The following AKIRIN2 variants were observed in gnomAD, a reference collection of about 807,000 sequenced individuals.
AKIRIN2 encodes the protein akirin 2, also known as akirin-2.
In AKIRIN2, 6 loss-of-function variants were observed where a neutral mutation model predicts 29.3. The ratio of observed to expected loss-of-function variants is 0.20; its 90% CI spans 0.11 to 0.40. The LOEUF (loss-of-function observed/expected upper bound fraction) is 0.40, where lower values mean the gene tolerates loss of function less well. Ranked by LOEUF, AKIRIN2 falls within the 10% of genes least tolerant of loss-of-function variation. AKIRIN2 has a pLI of 1.00. For missense variants in AKIRIN2, 210 were observed against 276.1 expected (o/e 0.76, Z 1.70); for synonymous variants, 128 against 117.5 (o/e 1.09, Z -0.58).
intron 1 of AKIRIN2, among the ~76,000 whole-genome samples, chr6:87,696,424 G>A (rs1465838949): frequency 1.3e-5 from 2 of 151,982 alleles, no homozygotes; most frequent in African/African-American, 2.4e-5. Flanking sequence ...GCCGGGAGCT[G>A]GGCGCAGTGG....
Position 87,675,344 on chromosome 6 carries a change from C to G in AKIRIN2, c.*253G>C. ...CCTTTTCAAACATTAATATAAGAAGCCAAATTGTAATGATACAGCAAAATG... is the reference window on the plus strand; with the variant it reads ...CCTTTTCAAACATTAATATAAGAAGGCAAATTGTAATGATACAGCAAAATG... On this transcript the variant is annotated 3_prime_UTR_variant, in exon 5 of 5. Transcript: ENST00000257787. 3.8e-6 allele frequency: 2 copies of G among 526,822 alleles called. No individual in the cohort carries two copies. Among genetic ancestry groups the G allele is most frequent in the Non-Finnish European group, 6.8e-6 (2 of 293,560 alleles). The allele number at this position is 526,822 out of a possible 1,614,324, so 32.6% of individuals were successfully genotyped here.
chr6:87,701,514 C>T lies in AKIRIN2; in HGVS notation c.171G>A (p.Ser57=). 4 of 1,452,358 alleles carry T rather than the reference C, an allele frequency of 2.8e-6. No homozygotes were observed. The highest frequency in any genetic ancestry group is 1.5e-5 in the African/African-American group (1 of 66,442). 90.0% of individuals were successfully genotyped at this position (1,452,358 alleles called of 1,614,324 possible). A position where few individuals can be genotyped will look rare whatever the true frequency, so the allele number is the denominator to read the frequency against. ...GCTCCATTCGGAGATACTTCTGCGG[C>T]GAGGCGGCCGCAGCGGAGAAGGAGG... The part of the protein sequence containing the change: ...TAASFSAAAA[S]PQKYLRMEPS... The change falls in exon 1 of 5, where the codon TCG becomes TCA. Residue 57 remains serine (S), a synonymous_variant. Coordinates refer to ENST00000257787, the MANE Select transcript of AKIRIN2 (RefSeq NM_018064.4).
intron 1 of AKIRIN2, among the ~76,000 whole-genome samples, chr6:87,686,218 A>T (rs1044060747): frequency 6.6e-6 from 1 of 152,152 alleles, no homozygotes; most frequent in African/African-American, 2.4e-5. Flanking sequence ...CTCTGTCTCA[A>T]AAAAATAAAT....
chr6:87,687,531 TAA>T (rs1771208510), intron 1 of AKIRIN2, among the ~76,000 whole-genome samples: 1 of 151,392 alleles, frequency 6.6e-6, no homozygotes. Context: ...CTGCAGAAAC[TAA>T]AACAGTTATG....
chr6:87,677,093 AAAAATTAAAAAC>A (rs1771025683), intron 3 of AKIRIN2, among the ~76,000 whole-genome samples: 1 of 151,974 alleles, frequency 6.6e-6, no homozygotes, highest in African/African-American at 2.4e-5. Flanking sequence ...AAAAAAAAAA[AAAAATTAAAAAC>A]AAAGGACTTT....
At chr6:87,692,403 T>C (rs1234514115) in intron 1 of AKIRIN2, among the ~76,000 whole-genome samples, 3 of 152,248 alleles carry the variant, frequency 2.0e-5, no homozygotes, top group African/African-American at 7.2e-5. Flanking sequence ...GTCACACGGC[T>C]TGAACATGGC....
chr6:87,690,980 A>G (rs961794922), intron 1 of AKIRIN2, among the ~76,000 whole-genome samples: 4 of 151,600 alleles, frequency 2.6e-5, no homozygotes, highest in African/African-American at 9.7e-5. Context: ...CAACAACAAC[A>G]ACAAAAAGAC....
chr6:87,692,764 C>T (rs574661557), intron 1 of AKIRIN2, among the ~76,000 whole-genome samples: 2 of 152,194 alleles, frequency 1.3e-5, no homozygotes, highest in African/African-American at 2.4e-5. Flanking sequence ...GAGCCGAGAT[C>T]GTGCCACTGC....
chr6:87,684,362 T>C (rs900211116), intron 1 of AKIRIN2, among the ~76,000 whole-genome samples: 4 of 152,226 alleles, frequency 2.6e-5, no homozygotes, highest in African/African-American at 7.2e-5. Context: ...GGGACATCAC[T>C]AACAATTTTA....
chr6:87,688,135 T>TC (rs1311657064), intron 1 of AKIRIN2, among the ~76,000 whole-genome samples: 1 of 152,034 alleles, frequency 6.6e-6, no homozygotes, highest in East Asian at 1.9e-4. Flanking sequence ...GAGTTTTTTT[T>TC]CTTGTTTTTG....
chr6:87,701,587 G>A lies in AKIRIN2; in HGVS notation c.98C>T (p.Pro33Leu). Residue 33 changes from proline to leucine, a missense_variant, in exon 1 of 5, where the codon CCC becomes CTC. Around this residue, in one of 2 missense-constraint regions of AKIRIN2, gnomAD observed 199 missense variants for 236.5 expected, o/e 0.84. Coordinates refer to ENST00000257787, the MANE Select transcript of AKIRIN2 (RefSeq NM_018064.4). Reference protein sequence around the residue: ...KRRRCAPLSAPTSAAASPLSA... With the variant: ...KRRRCAPLSALTSAAASPLSA... ...CAACGGGGAGGCAGCGGCCGAGGTG[G>A]GCGCCGACAATGGCGCACATCGCCT... 1 of 1,427,524 alleles carries A rather than the reference G, an allele frequency of 7.0e-7. No individual in the cohort carries two copies. The highest frequency in any genetic ancestry group is 9.1e-7 in the Non-Finnish European group (1 of 1,093,090). 88.4% of individuals were successfully genotyped at this position (1,427,524 alleles called of 1,614,324 possible).
intron 1 of AKIRIN2, among the ~76,000 whole-genome samples, chr6:87,696,126 C>G (rs144806614): frequency 6.6e-6 from 1 of 151,996 alleles, no homozygotes; most frequent in African/African-American, 2.4e-5. Flanking sequence ...TGCAGTGAGC[C>G]GAGATTGTGC....
chr6:87,681,542 A>T, intron 2 of AKIRIN2, 78 bp downstream of exon 2: 1 of 1,421,318 alleles, frequency 7.0e-7, no homozygotes, highest in Non-Finnish European at 9.5e-7. Context: ...ACAGTAGCTT[A>T]AATGACTAAA....
rs548815490 is a variant in AKIRIN2 at position 87,699,731 on chromosome 6, T to C, written c.235+1719A>G. On this transcript the variant is annotated intron_variant, in intron 1 of 4. Coordinates refer to ENST00000257787, the MANE Select transcript of AKIRIN2 (RefSeq NM_018064.4). ...CCAATGAAAAGTCGTTTACAAAGGA[T>C]CACAATTCTGAATAAGTGTGCTTTA... is the stretch of plus-strand genomic sequence containing the variant. Among the ~76,000 whole-genome samples the C allele has an allele frequency of 2.6e-5, 4 of 152,268 alleles. No homozygotes were observed. The South Asian group carries it at 6.2e-4, about 24-fold the overall frequency.
chr6:87,681,588 TAA>T (rs1370031640), intron 2 of AKIRIN2, 30 bp downstream of exon 2: 2 of 1,586,980 alleles, frequency 1.3e-6, no homozygotes, highest in Non-Finnish European at 1.7e-6. Context: ...CTCTAAATAA[TAA>T]ACTTTGTAAA....
intron 1 of AKIRIN2, among the ~76,000 whole-genome samples, chr6:87,694,141 T>A (rs1771322405): frequency 2.0e-5 from 3 of 152,172 alleles, no homozygotes; most frequent in African/African-American, 7.2e-5. Flanking sequence ...CTAGTTTGAT[T>A]TTTTTGAGGG....
In AKIRIN2 at chr6:87,681,776, A is replaced by C; in HGVS notation, c.236-13T>G. ...TACAGAATTTGTTCTAAAATAAAAA[A>C]GTTAAAATTTGGCAAGATAAAAACT... On this transcript the variant is annotated splice_polypyrimidine_tract_variant and intron_variant, in intron 1 of 4. Transcript: ENST00000257787. 6.4e-7 allele frequency: 1 copy of C among 1,556,766 alleles called. No homozygotes were observed. Among genetic ancestry groups the C allele is most frequent in the Non-Finnish European group, 8.7e-7 (1 of 1,154,524 alleles).
intron 1 of AKIRIN2, among the ~76,000 whole-genome samples, chr6:87,693,817 A>G (rs1771318001): frequency 2.0e-5 from 3 of 152,264 alleles, no homozygotes; most frequent in East Asian, 1.9e-4. Flanking sequence ...GGCTCTGATA[A>G]TGCACTATTT....
At chr6:87,695,047 C>T (rs1582125230) in intron 1 of AKIRIN2, among the ~76,000 whole-genome samples, 1 of 152,150 alleles carries the variant, frequency 6.6e-6, no homozygotes, top group East Asian at 1.9e-4. Flanking sequence ...AAATAAATCA[C>T]AACTTCTTAT....
Sources: gnomAD v4.1 joint callset for allele counts (sites outside exome capture counted in the v4.1 genomes callset) on GRCh38, gnomAD v4.1.1 for gene constraint, gnomAD v4.1.1 regional missense constraint, MANE v1.5 for transcripts, NCBI Gene and HGNC (gene_info 2026-07-23, HGNC 2026-07-21) for gene names.